Variants in RALA observed in about 807,000 individuals in gnomAD.
RALA encodes RAS like proto-oncogene A, also known as ras-related protein Ral-A.
Under a neutral mutation model 24.0 loss-of-function variants are expected in RALA, and 5 were observed. The ratio of observed to expected loss-of-function variants is 0.21; its 90% CI spans 0.11 to 0.44. The LOEUF (loss-of-function observed/expected upper bound fraction) is 0.44, where lower values mean the gene tolerates loss of function less well. Among genes scored for constraint, RALA ranks in the 20% least tolerant of loss-of-function variants. The pLI, the probability that RALA is intolerant of heterozygous loss-of-function variation, is 0.99. For synonymous variants in RALA, 77 were observed against 83.8 expected (o/e 0.92, Z 0.44); for missense variants, 95 against 241.2 (o/e 0.39, Z 4.01).
At chr7:39,679,965 C>T (rs1583743123) in intron 1 of RALA, among the ~76,000 whole-genome samples, 4 of 152,132 alleles carry the variant, frequency 2.6e-5, no homozygotes, top group African/African-American at 9.7e-5. Flanking sequence ...TCCCAAAGTG[C>T]TGGAATTACA....
chr7:39,704,518 A>G (rs1436681012), intron 4 of RALA, among the ~76,000 whole-genome samples: 9 of 151,884 alleles, frequency 5.9e-5, no homozygotes, highest in African/African-American at 1.7e-4. Context: ...GGATTTCTCT[A>G]TGTTGGCCAG....
chr7:39,691,680 TC>T (rs1279248125), intron 3 of RALA, among the ~76,000 whole-genome samples: 1 of 152,194 alleles, frequency 6.6e-6, no homozygotes, highest in Non-Finnish European at 1.5e-5. Context: ...AAGAGAGCAT[TC>T]TTTGCAAAAA....
intron 1 of RALA, among the ~76,000 whole-genome samples, chr7:39,651,703 T>G (rs1353498087): frequency 6.6e-6 from 1 of 152,232 alleles, no homozygotes; most frequent in Admixed American, 6.5e-5. Flanking sequence ...TAGTGAAATT[T>G]TATTTTGCTA....
chr7:39,627,693 A>G (rs1235375243), intron 1 of RALA, among the ~76,000 whole-genome samples: 2 of 152,202 alleles, frequency 1.3e-5, no homozygotes, highest in Non-Finnish European at 2.9e-5. Flanking sequence ...TACTCCATTA[A>G]AAGTGGAGGT....
At chr7:39,699,278 C>G (rs1279258640) in intron 4 of RALA, among the ~76,000 whole-genome samples, 2 of 149,832 alleles carry the variant, frequency 1.3e-5, no homozygotes, top group Non-Finnish European at 3.0e-5. Flanking sequence ...GTAGCTGGGA[C>G]TACAGGCGCC....
At chr7:39,695,879 T>G (rs923880141) in intron 3 of RALA, among the ~76,000 whole-genome samples, 2 of 152,208 alleles carry the variant, frequency 1.3e-5, no homozygotes, top group Non-Finnish European at 2.9e-5. Context: ...TTTTGTTTTT[T>G]GATTTTACAA....
intron 1 of RALA, among the ~76,000 whole-genome samples, chr7:39,683,596 G>C (rs1050431881): frequency 6.6e-6 from 1 of 152,148 alleles, no homozygotes; most frequent in Non-Finnish European, 1.5e-5. Context: ...TTAAGTGGTG[G>C]AGTGCCAAGT....
At chr7:39,669,698 C>G (rs572750510) in intron 1 of RALA, among the ~76,000 whole-genome samples, 176 of 151,614 alleles carry the variant, frequency 1.2e-3, no homozygotes, top group Non-Finnish European at 1.8e-3. Flanking sequence ...CCCAACTACT[C>G]AGGAGGCTGA....
chr7:39,682,686 A>G (rs564456783), intron 1 of RALA, among the ~76,000 whole-genome samples: 1 of 152,136 alleles, frequency 6.6e-6, no homozygotes, highest in Non-Finnish European at 1.5e-5. Flanking sequence ...TCTGTTGCCC[A>G]GGCTGGAGTG....
At chr7:39,632,254 G>C (rs1460315195) in intron 1 of RALA, among the ~76,000 whole-genome samples, 1 of 152,148 alleles carries the variant, frequency 6.6e-6, no homozygotes, top group Non-Finnish European at 1.5e-5. Flanking sequence ...AGACTTTCCA[G>C]ATATACTATT....
intron 1 of RALA, among the ~76,000 whole-genome samples, chr7:39,686,138 G>A (rs1472790304): frequency 6.6e-6 from 1 of 151,282 alleles, no homozygotes; most frequent in East Asian, 1.9e-4. Flanking sequence ...CCTGGGAGGT[G>A]GAGGCTACAG....
intron 1 of RALA, among the ~76,000 whole-genome samples, chr7:39,634,618 C>T (rs542289184): frequency 1.3e-5 from 2 of 152,148 alleles, no homozygotes; most frequent in African/African-American, 4.8e-5. Context: ...TAATTGGTAA[C>T]CTTCCCACTA....
intron 1 of RALA, among the ~76,000 whole-genome samples, chr7:39,678,194 T>TA (rs59832559): frequency 0.042 from 5,761 of 137,706 alleles, 287 homozygotes; most frequent in African/African-American, 0.12. Flanking sequence ...AAAGTATAAT[T>TA]AAAAAAAAAA....
chr7:39,674,309 A>G lies in RALA; in HGVS notation c.-37-12322A>G, dbSNP rs142218235. ...ACAATAATCTATTTCTACTTGTTTT[A>G]TGAACAATTTTATCAAATATTATTC... On this transcript the variant is annotated intron_variant, in intron 1 of 4. Transcript: ENST00000005257. Among the ~76,000 whole-genome samples, 371 of 152,290 alleles carry G rather than the reference A, an allele frequency of 2.4e-3. 2 individuals carry two copies. Among genetic ancestry groups the G allele is most frequent in the African/African-American group, 8.6e-3 (358 of 41,556 alleles).
chr7:39,632,473 A>G (rs1286554009), intron 1 of RALA, among the ~76,000 whole-genome samples: 1 of 152,196 alleles, frequency 6.6e-6, no homozygotes, highest in Non-Finnish European at 1.5e-5. Flanking sequence ...TTGGCTATGT[A>G]TATACCTTAC....
intron 4 of RALA, among the ~76,000 whole-genome samples, chr7:39,704,184 T>C (rs1304769321): frequency 1.3e-5 from 2 of 151,376 alleles, no homozygotes; most frequent in Non-Finnish European, 2.9e-5. Flanking sequence ...AAAAAGAAGT[T>C]TAAGATTTGT....
Position 39,695,067 on chromosome 7 carries a change from GAAAA to G in RALA, c.324-1608_324-1605del, listed in dbSNP as rs895982043. ...GAGTAAGACCCTGTCTCAAAAAAAA[GAAAA>G]AAAAAAAAAGTCTGCAAAACCAAGT... On this transcript the variant is annotated intron_variant, in intron 3 of 4. Coordinates refer to ENST00000005257, the MANE Select transcript of RALA (RefSeq NM_005402.4). 3.1e-5 allele frequency among the ~76,000 whole-genome samples: 4 copies of G among 128,248 alleles called. No homozygotes were observed. The South Asian group carries it at 7.6e-4, about 24-fold the overall frequency. The allele number at this position is 128,248 out of a possible 152,430, so 84.1% of individuals were successfully genotyped here.
At chr7:39,661,627 T>C (rs1421621867) in intron 1 of RALA, among the ~76,000 whole-genome samples, 2 of 152,214 alleles carry the variant, frequency 1.3e-5, no homozygotes. Context: ...AAAAGGTGGG[T>C]TCCCATGGTC....
intron 1 of RALA, among the ~76,000 whole-genome samples, chr7:39,636,099 A>G (rs1048179987): frequency 2.0e-5 from 3 of 152,220 alleles, no homozygotes; most frequent in Admixed American, 6.5e-5. Context: ...TAATTTATCC[A>G]TTCATCAGTT....
Sources: gnomAD v4.1 joint callset for allele counts (sites outside exome capture counted in the v4.1 genomes callset) on GRCh38, gnomAD v4.1.1 for gene constraint, MANE v1.5 for transcripts, NCBI Gene and HGNC (gene_info 2026-07-23, HGNC 2026-07-21) for gene names.